Variants in PDE12 observed in about 807,000 individuals in gnomAD.
The protein encoded by PDE12 is phosphodiesterase 12.
In PDE12, 26 loss-of-function variants were observed where a neutral mutation model predicts 45.4. The ratio of observed to expected loss-of-function variants is 0.57; its 90% confidence interval spans 0.42 to 0.79. PDE12 has a LOEUF of 0.79. Among genes scored for constraint, PDE12 ranks in the 30% least tolerant of loss-of-function variants. The probability of loss-of-function intolerance (pLI) is 0.00; values close to 1 mark genes in which losing one functional copy is unlikely to be tolerated. For synonymous variants in PDE12, 283 were observed against 323.9 expected, an observed-to-expected ratio of 0.87 and a Z score of 1.36; for missense variants, 668 against 790.0, an observed-to-expected ratio of 0.85 and a Z score of 1.85.
chr3:57,592,200 A>G, the PDE12 span, among the ~76,000 whole-genome samples: 2 of 152,212 alleles, frequency 1.3e-5, no homozygotes, highest in East Asian at 1.9e-4. Context: ...CTGTATCTTA[A>G]TATTTTGGCC....
At chr3:57,628,103 T>C in the PDE12 span, 3 of 1,469,714 alleles carry the variant, frequency 2.0e-6, no homozygotes, top group Non-Finnish European at 2.7e-6. Context: ...CTAGCATTCA[T>C]GGCAATTTTC....
chr3:57,579,370 C>G, the PDE12 span, among the ~76,000 whole-genome samples: 1 of 151,564 alleles, frequency 6.6e-6, no homozygotes, highest in African/African-American at 2.4e-5. Flanking sequence ...TCACTGCAAA[C>G]CCCTCCTCCC....
At chr3:57,617,507 CAT>C in the PDE12 span, among the ~76,000 whole-genome samples, 3 of 152,160 alleles carry the variant, frequency 2.0e-5, no homozygotes, top group East Asian at 1.9e-4. Flanking sequence ...TACCTGCACT[CAT>C]GTGTTTATTG....
the PDE12 span, chr3:57,583,875 T>C: frequency 1.3e-6 from 2 of 1,501,066 alleles, no homozygotes; most frequent in Non-Finnish European, 1.8e-6. Flanking sequence ...AGAAAAGTTA[T>C]AAAAACATAC....
chr3:57,634,211 T>A, the PDE12 span, among the ~76,000 whole-genome samples: 2 of 151,974 alleles, frequency 1.3e-5, no homozygotes, highest in African/African-American at 4.8e-5. Context: ...GGTGGGCGTA[T>A]CACTTAAGGC....
chr3:57,609,845 A>T, the PDE12 span, among the ~76,000 whole-genome samples: 1 of 152,158 alleles, frequency 6.6e-6, no homozygotes, highest in Non-Finnish European at 1.5e-5. Context: ...AACTATTCCA[A>T]TCAACAGAAA....
the PDE12 span, among the ~76,000 whole-genome samples, chr3:57,606,670 A>G: frequency 6.6e-6 from 1 of 152,222 alleles, no homozygotes; most frequent in Non-Finnish European, 1.5e-5. Context: ...TTTATGAACT[A>G]TAATATAAAG....
At chr3:57,607,012 A>G in the PDE12 span, among the ~76,000 whole-genome samples, 1 of 152,286 alleles carries the variant, frequency 6.6e-6, no homozygotes, top group Non-Finnish European at 1.5e-5. Flanking sequence ...GGGCAGACTG[A>G]CACCCCACAC....
At chr3:57,609,636 G>A in the PDE12 span, among the ~76,000 whole-genome samples, 2 of 152,124 alleles carry the variant, frequency 1.3e-5, no homozygotes, top group Non-Finnish European at 2.9e-5. Flanking sequence ...AAATCTAGAA[G>A]AAATGGATAC....
chr3:57,635,895 A>G, the PDE12 span, among the ~76,000 whole-genome samples: 5 of 152,042 alleles, frequency 3.3e-5, no homozygotes, highest in Non-Finnish European at 5.9e-5. Flanking sequence ...TTCCTCTTCA[A>G]CCTACTCAGT....
At chr3:57,606,970 G>A in the PDE12 span, among the ~76,000 whole-genome samples, 58 of 152,262 alleles carry the variant, frequency 3.8e-4, no homozygotes, top group Non-Finnish European at 2.1e-4. Flanking sequence ...CCTGACCCCC[G>A]AGTAGCCTAA....
the PDE12 span, among the ~76,000 whole-genome samples, chr3:57,634,289 C>T: frequency 5.9e-5 from 9 of 152,058 alleles, no homozygotes; most frequent in Non-Finnish European, 1.3e-4. Flanking sequence ...AGAAATTAGC[C>T]AGGCATGATG....
chr3:57,655,036 ATT>A, the PDE12 span: 12 of 149,778 alleles, frequency 8.0e-5, no homozygotes, highest in Non-Finnish European at 1.4e-4. Context: ...GAAAACAAGA[ATT>A]TTTTTTTTTT....
At position 57,557,443 on chromosome 3, in the gene PDE12, C is replaced by T. The variant is rs371687627; in HGVS notation, c.1064C>T (p.Ala355Val). The T allele has an allele frequency of 1.9e-6, 3 of 1,614,010 alleles. No homozygotes were observed. Among genetic ancestry groups the T allele is most frequent in the Non-Finnish European group, 2.5e-6 (3 of 1,180,018 alleles). ...DVICLQEVDR[A>V]VFSDSLVPAL... ...ATCTGTTTGCAGGAGGTTGACCGCGCAGTGTTTTCTGACAGCTTGGTACCC... is the reference window on the plus strand; with the variant it reads ...ATCTGTTTGCAGGAGGTTGACCGCGTAGTGTTTTCTGACAGCTTGGTACCC... Residue 355 changes from alanine to valine, a missense_variant, in exon 1 of 3, where the codon GCA becomes GTA. Around this residue, in one of 3 missense-constraint regions of PDE12, gnomAD observed 580 missense variants for 662.9 expected, o/e 0.87. Coordinates refer to ENST00000311180, the MANE Select transcript of PDE12 (RefSeq NM_177966.7).
the PDE12 span, among the ~76,000 whole-genome samples, chr3:57,581,183 G>A: frequency 2.0e-5 from 3 of 152,154 alleles, no homozygotes; most frequent in East Asian, 1.9e-4. Context: ...TTAGAAACAT[G>A]GTTAAAGCTA....
chr3:57,620,684 TA>T, the PDE12 span, among the ~76,000 whole-genome samples: 2 of 152,158 alleles, frequency 1.3e-5, no homozygotes, highest in African/African-American at 4.8e-5. Context: ...TATTTTGAAC[TA>T]AATTTTTGAA....
At chr3:57,633,899 A>G in the PDE12 span, among the ~76,000 whole-genome samples, 2 of 152,106 alleles carry the variant, frequency 1.3e-5, no homozygotes, top group African/African-American at 4.8e-5. Context: ...CTCAAAAAAA[A>G]AAAAGTGAGT....
At chr3:57,574,017 C>T in the PDE12 span, among the ~76,000 whole-genome samples, 1 of 152,082 alleles carries the variant, frequency 6.6e-6, no homozygotes, top group Non-Finnish European at 1.5e-5. Context: ...TCTCGGCTCA[C>T]TGCAACCTCT....
chr3:57,613,844 T>G, the PDE12 span, among the ~76,000 whole-genome samples: 1 of 132,536 alleles, frequency 7.5e-6, no homozygotes, highest in Admixed American at 9.6e-5. Context: ...GAGCTTGCAG[T>G]GAGCCGAGGT....
Sources: allele counts gnomAD v4.1 joint callset (sites outside exome capture counted in the v4.1 genomes callset), GRCh38; gene constraint gnomAD v4.1.1; regional missense constraint gnomAD v4.1.1; transcripts MANE v1.5; gene names NCBI Gene and HGNC (gene_info 2026-07-23, HGNC 2026-07-21).